Variants in DAB1 observed in about 807,000 individuals in gnomAD.
The protein encoded by DAB1 is DAB adaptor protein 1, also known as disabled homolog 1.
In DAB1, 15 loss-of-function variants were observed where a neutral mutation model predicts 64.6. The ratio of observed to expected loss-of-function variants is 0.23; its 90% confidence interval spans 0.16 to 0.36. The LOEUF (loss-of-function observed/expected upper bound fraction) is 0.36. DAB1 is among the 10% of genes least tolerant of loss of function. The probability of loss-of-function intolerance (pLI) is 1.00; values close to 1 mark genes in which losing one functional copy is unlikely to be tolerated. For synonymous variants in DAB1, 235 were observed against 251.9 expected, an observed-to-expected ratio of 0.93 and a Z score of 0.64; for missense variants, 596 against 706.7, an observed-to-expected ratio of 0.84 and a Z score of 1.78.
At chr1:58,206,876 T>A (rs1222867148) in intron 4 of DAB1, among the ~76,000 whole-genome samples, 4 of 152,356 alleles carry the variant, frequency 2.6e-5, no homozygotes, top group South Asian at 4.1e-4. Context: ...CTTTTCCTTA[T>A]ATCTGGGCTG....
intron 1 of DAB1, among the ~76,000 whole-genome samples, chr1:57,831,563 A>G (rs1190462509): frequency 2.1e-5 from 3 of 141,322 alleles, no homozygotes; most frequent in African/African-American, 7.9e-5. Context: ...TTTTTTTGAG[A>G]AAGGGTCTTA....
At chr1:57,756,713 G>A (rs868702558) in intron 6 of DAB1, among the ~76,000 whole-genome samples, 8 of 152,192 alleles carry the variant, frequency 5.3e-5, no homozygotes, top group South Asian at 2.1e-4. Context: ...TAGGGTAACA[G>A]CACTAGGAAC....
At chr1:58,249,716 C>T (rs1660712006) in intron 4 of DAB1, among the ~76,000 whole-genome samples, 1 of 151,962 alleles carries the variant, frequency 6.6e-6, no homozygotes, top group African/African-American at 2.4e-5. Flanking sequence ...TTCCCCGGGA[C>T]AGGAAGGGTT....
chr1:57,781,185 C>G (rs1650083508), intron 6 of DAB1, among the ~76,000 whole-genome samples: 1 of 92,706 alleles, frequency 1.1e-5, no homozygotes, highest in South Asian at 3.7e-4. Flanking sequence ...TGCCTAATTA[C>G]TTTTTCAGTT....
At chr1:57,804,664 C>T (rs370933729) in intron 6 of DAB1, among the ~76,000 whole-genome samples, 9 of 152,268 alleles carry the variant, frequency 5.9e-5, no homozygotes, top group African/African-American at 1.9e-4. Flanking sequence ...GTTAGAAATG[C>T]GTGCATTTAA....
At chr1:58,394,843 C>G (rs372888734) in intron 3 of DAB1, among the ~76,000 whole-genome samples, 1 of 151,898 alleles carries the variant, frequency 6.6e-6, no homozygotes, top group African/African-American at 2.4e-5. Flanking sequence ...TACTACTGTA[C>G]GTATTTGTCA....
chr1:57,763,274 A>G (rs1649163743), intron 6 of DAB1, among the ~76,000 whole-genome samples: 1 of 152,218 alleles, frequency 6.6e-6, no homozygotes, highest in Non-Finnish European at 1.5e-5. Context: ...GAAAGAGAGT[A>G]GGCAAGAGCT....
In DAB1 at chr1:57,492,909, T is replaced by G. The variant is rs888981099; in HGVS notation, n.625+156683A>C. ...TTGACTTTGCTTGGAGAAATTCAAA[T>G]TTTTTTCAGACTTAATTCAGGCATC... On this transcript the variant is annotated intron_variant and non_coding_transcript_variant, in intron 7 of 20. Coordinates refer to the DAB1 transcript ENST00000485760. Among the ~76,000 whole-genome samples, 3 of 152,064 alleles carry G rather than the reference T, an allele frequency of 2.0e-5. 1 individual carries two copies. Among genetic ancestry groups the G allele is most frequent in the Admixed American group, 2.0e-4 (3 of 15,270 alleles).
intron 4 of DAB1, among the ~76,000 whole-genome samples, chr1:57,082,621 C>A (rs1652656005): frequency 6.6e-6 from 1 of 152,132 alleles, no homozygotes; most frequent in South Asian, 2.1e-4. Context: ...TACTTATCAA[C>A]CCATCACCTA....
chr1:58,367,340 C>G (rs1644225926), intron 3 of DAB1, among the ~76,000 whole-genome samples: 1 of 152,106 alleles, frequency 6.6e-6, no homozygotes, highest in African/African-American at 2.4e-5. Context: ...TAGAAAATGC[C>G]CCAGCCAACT....
At chr1:58,496,989 C>A (rs762642835) in intron 3 of DAB1, among the ~76,000 whole-genome samples, 7 of 152,204 alleles carry the variant, frequency 4.6e-5, no homozygotes, top group Non-Finnish European at 1.0e-4. Context: ...ATCCAACCCA[C>A]TGATGGCCTT....
intron 6 of DAB1, among the ~76,000 whole-genome samples, chr1:57,694,849 G>A (rs1404482952): frequency 1.3e-5 from 2 of 151,854 alleles, no homozygotes; most frequent in Non-Finnish European, 2.9e-5. Context: ...GGAAGCAAAT[G>A]CTACACATCA....
At chr1:57,005,310 G>A (rs1172464047) in intron 14 of DAB1, among the ~76,000 whole-genome samples, 2 of 152,170 alleles carry the variant, frequency 1.3e-5, no homozygotes, top group South Asian at 2.1e-4. Flanking sequence ...AGATGATGAC[G>A]CTGAAATTGC....
At chr1:57,187,661 T>A (rs561648539) in intron 2 of DAB1, among the ~76,000 whole-genome samples, 3 of 152,338 alleles carry the variant, frequency 2.0e-5, no homozygotes, top group Admixed American at 6.5e-5. Flanking sequence ...TTTATATAAA[T>A]GTTCTTATCT....
intron 7 of DAB1, among the ~76,000 whole-genome samples, chr1:57,610,280 C>A (rs1645710218): frequency 6.6e-6 from 1 of 152,194 alleles, no homozygotes; most frequent in Non-Finnish European, 1.5e-5. Context: ...AAGTCAAAAG[C>A]TTCTGATATG....
At chr1:58,083,567 T>C (rs556491634) in intron 5 of DAB1, among the ~76,000 whole-genome samples, 11 of 152,346 alleles carry the variant, frequency 7.2e-5, no homozygotes, top group African/African-American at 2.2e-4. Flanking sequence ...GTGAATGTTC[T>C]TACAGCGAAA....
chr1:57,373,535 A>G (rs539560011), intron 1 of DAB1, among the ~76,000 whole-genome samples: 1 of 152,284 alleles, frequency 6.6e-6, no homozygotes, highest in Admixed American at 6.5e-5. Context: ...AGAATCATGC[A>G]TTGCAGTTAC....
intron 2 of DAB1, among the ~76,000 whole-genome samples, chr1:57,196,568 C>T (rs768647253): frequency 2.0e-4 from 31 of 152,184 alleles, no homozygotes; most frequent in African/African-American, 5.5e-4. Flanking sequence ...TAGCCCAACA[C>T]GGGTGTAGGC....
intron 6 of DAB1, among the ~76,000 whole-genome samples, chr1:57,774,095 G>C (rs1241423434): frequency 6.6e-6 from 1 of 151,720 alleles, no homozygotes; most frequent in Non-Finnish European, 1.5e-5. Flanking sequence ...TGGGGAAAAT[G>C]GACATCATAA....
Sources: allele counts gnomAD v4.1 joint callset (sites outside exome capture counted in the v4.1 genomes callset), GRCh38; gene constraint gnomAD v4.1.1; transcripts MANE v1.5; gene names NCBI Gene and HGNC (gene_info 2026-07-23, HGNC 2026-07-21).